The following CA10 variants were observed in gnomAD, a reference collection of about 807,000 sequenced individuals.
The protein encoded by CA10 is carbonic anhydrase 10 (inactive).
CA10 carries 14 observed loss-of-function variants against 44.2 expected under a neutral mutation model. The ratio of observed to expected loss-of-function variants is 0.32; its 90% CI spans 0.21 to 0.50. The LOEUF (loss-of-function observed/expected upper bound fraction) is 0.50, where lower values mean the gene tolerates loss of function less well. CA10 is among the 20% of genes least tolerant of loss of function. CA10 has a pLI of 0.99. For missense variants in CA10, 350 were observed against 409.7 expected (o/e 0.85, Z 1.26); for synonymous variants, 159 against 141.6 (o/e 1.12, Z -0.87).
chr17:51,783,745 T>C (rs1906147482), intron 3 of CA10, among the ~76,000 whole-genome samples: 2 of 152,222 alleles, frequency 1.3e-5, no homozygotes, highest in Admixed American at 1.3e-4. Flanking sequence ...GAGTCAGTTC[T>C]TTCTCAGATA....
intron 2 of CA10, among the ~76,000 whole-genome samples, chr17:52,040,520 C>T (rs1221935045): frequency 1.3e-5 from 2 of 151,986 alleles, no homozygotes. Flanking sequence ...ATGCCTTAAA[C>T]AATTAGATAA....
chr17:51,672,186 C>T lies in CA10; in HGVS notation c.466-18450G>A, dbSNP rs557306818. On this transcript the variant is annotated intron_variant, in intron 4 of 8. Coordinates refer to ENST00000451037, the MANE Select transcript of CA10 (RefSeq NM_020178.5). Reference sequence around the variant, plus strand: ...CCCATATTCCCACATTTCTTATTACCTCTTCCCCCAAATACACACAGATCG... The same window carrying T: ...CCCATATTCCCACATTTCTTATTACTTCTTCCCCCAAATACACACAGATCG... Among the ~76,000 whole-genome samples, 35 of 152,272 alleles carry T rather than the reference C, an allele frequency of 2.3e-4. 1 individual carries two copies. The South Asian group carries it at 5.6e-3, about 24-fold the overall frequency.
intron 3 of CA10, among the ~76,000 whole-genome samples, chr17:51,918,330 T>C (rs1982086646): frequency 2.0e-5 from 3 of 152,326 alleles, no homozygotes; most frequent in Admixed American, 6.5e-5. Context: ...TTTCTGAATA[T>C]TTCAGAGGAA....
At position 51,845,695 on chromosome 17, in the gene CA10, T is replaced by C. The variant is rs185910587; in HGVS notation, c.279+85295A>G. On this transcript the variant is annotated intron_variant, in intron 3 of 8. Coordinates refer to ENST00000451037, the MANE Select transcript of CA10 (RefSeq NM_020178.5). ...TAAGGCTCTGATAACTTTTTATAAC[T>C]TTATTTCCACTCCTTGTCCACCTCT... is the stretch of plus-strand genomic sequence containing the variant. Among the ~76,000 whole-genome samples the C allele has an allele frequency of 2.4e-4, 37 of 152,298 alleles. 1 individual carries two copies. Among genetic ancestry groups the C allele is most frequent in the Admixed American group, 2.4e-3 (37 of 15,292 alleles).
At chr17:51,930,630 CT>C (rs1982618415) in intron 3 of CA10, among the ~76,000 whole-genome samples, 1 of 152,034 alleles carries the variant, frequency 6.6e-6, no homozygotes, top group Non-Finnish European at 1.5e-5. Flanking sequence ...GGTTTTCTCA[CT>C]TCACTGAGGT....
intron 3 of CA10, among the ~76,000 whole-genome samples, chr17:51,886,782 A>G (rs1053848361): frequency 1.3e-5 from 2 of 152,204 alleles, no homozygotes; most frequent in African/African-American, 4.8e-5. Context: ...AATAGAACAA[A>G]AAGGCAAAGG....
Position 51,717,839 on chromosome 17 carries a change from A to ACG in CA10, c.465+29793_465+29794insCG, listed in dbSNP as rs1180558378. On this transcript the variant is annotated intron_variant, in intron 4 of 8. Coordinates refer to ENST00000451037, the MANE Select transcript of CA10 (RefSeq NM_020178.5). Reference sequence around the variant, plus strand: ...TATATATATGTGTGTGTATATATATATATATATATATATATATATATATAT... The same window carrying ACG: ...TATATATATGTGTGTGTATATATATACGTATATATATATATATATATATATAT... Among the ~76,000 whole-genome samples the ACG allele has an allele frequency of 7.0e-5, 2 of 28,456 alleles. 1 individual carries two copies. The highest frequency in any genetic ancestry group is 8.6e-4 in the Admixed American group (2 of 2,316). The allele number at this position is 28,456 out of a possible 152,430, so 18.7% of individuals were successfully genotyped here.
rs79525752 is a variant in CA10 at position 51,808,009 on chromosome 17, G to A, written c.280-60191C>T. 5.3e-5 allele frequency among the ~76,000 whole-genome samples: 8 copies of A among 152,262 alleles called. No individual in the cohort carries two copies. In the East Asian group the frequency reaches 1.5e-3, roughly 29 times the overall value. ...TCTAAATGCAAGTTATACCTCAATA[G>A]ATGTAATGAATGAAAAATAAAGTTT... On this transcript the variant is annotated intron_variant, in intron 3 of 8. Coordinates refer to ENST00000451037, the MANE Select transcript of CA10 (RefSeq NM_020178.5).
chr17:51,741,685 G>A (rs992118944), intron 4 of CA10, among the ~76,000 whole-genome samples: 1 of 152,210 alleles, frequency 6.6e-6, no homozygotes, highest in Non-Finnish European at 1.5e-5. Flanking sequence ...TGTGCTAGGT[G>A]CATGGCATGC....
rs541338162 is a variant in CA10, at chr17:52,146,450, G to A, written c.61+11276C>T. ...TCACGCCTGTAATCCCAGCACTTTG[G>A]GAGGCTGAGGCGGGCGGATCATGAG... is the stretch of plus-strand genomic sequence containing the variant. On this transcript the variant is annotated intron_variant, in intron 1 of 8. Transcript: ENST00000451037. Among the ~76,000 whole-genome samples the A allele has an allele frequency of 4.6e-5, 7 of 152,152 alleles. No individual in the cohort carries two copies. In the East Asian group the frequency reaches 1.2e-3, roughly 25 times the overall value.
chr17:52,033,302 C>T (rs966983746), intron 2 of CA10, among the ~76,000 whole-genome samples: 8 of 152,058 alleles, frequency 5.3e-5, no homozygotes, highest in Non-Finnish European at 4.4e-5. Context: ...ACTGACAATG[C>T]CAAGTACTCA....
intron 2 of CA10, among the ~76,000 whole-genome samples, chr17:51,984,652 A>G (rs1251640861): frequency 6.6e-6 from 1 of 151,898 alleles, no homozygotes; most frequent in Admixed American, 6.6e-5. Context: ...AATCCAAATA[A>G]CCTCACTAAG....
intron 3 of CA10, among the ~76,000 whole-genome samples, chr17:51,874,142 T>A (rs371019708): frequency 6.6e-6 from 1 of 152,134 alleles, no homozygotes; most frequent in Non-Finnish European, 1.5e-5. Flanking sequence ...ATTTGCTTCC[T>A]GAAGAATCCA....
chr17:51,882,325 A>C (rs1012547321), intron 3 of CA10, among the ~76,000 whole-genome samples: 1 of 151,986 alleles, frequency 6.6e-6, no homozygotes, highest in African/African-American at 2.4e-5. Flanking sequence ...CATTTTTCCC[A>C]GTTAATCATT....
chr17:52,154,713 C>T (rs1260258705), intron 1 of CA10, among the ~76,000 whole-genome samples: 1 of 152,178 alleles, frequency 6.6e-6, no homozygotes, highest in African/African-American at 2.4e-5. Flanking sequence ...CAGAGGAACT[C>T]CCAAATCATG....
intron 3 of CA10, among the ~76,000 whole-genome samples, chr17:51,854,149 T>C (rs2143828508): frequency 6.6e-6 from 1 of 152,288 alleles, no homozygotes; most frequent in Middle Eastern, 3.4e-3. Flanking sequence ...GATCAGCCAG[T>C]TGGCTTGCTC....
chr17:51,761,909 G>A (rs1485041072), intron 3 of CA10: 1 of 152,164 alleles, frequency 6.6e-6, no homozygotes, highest in Non-Finnish European at 1.5e-5. Context: ...AGTGAGGTGT[G>A]ACCATAGAAA....
At chr17:52,120,580 G>A (rs1254309089) in intron 1 of CA10, among the ~76,000 whole-genome samples, 1 of 152,186 alleles carries the variant, frequency 6.6e-6, no homozygotes, top group Non-Finnish European at 1.5e-5. Flanking sequence ...ATAAGGAAGT[G>A]TCCCTGGAGA....
intron 3 of CA10, among the ~76,000 whole-genome samples, chr17:51,759,664 C>G (rs1274843065): frequency 1.3e-5 from 2 of 151,998 alleles, no homozygotes; most frequent in African/African-American, 2.4e-5. Context: ...CTCCACCCCC[C>G]ATTCTGCCTC....
Sources: allele counts gnomAD v4.1 joint callset (sites outside exome capture counted in the v4.1 genomes callset), GRCh38; gene constraint gnomAD v4.1.1; transcripts MANE v1.5; gene names NCBI Gene and HGNC (gene_info 2026-07-23, HGNC 2026-07-21).